ZNF277: variants seen among roughly 807,000 people sequenced by gnomAD.
ZNF277 encodes the protein nuclear receptor-interacting factor 4.
Under a neutral mutation model 60.7 loss-of-function variants are expected in ZNF277, and 55 were observed. That is an observed-to-expected ratio of 0.91 (90% confidence interval 0.73 to 1.13). ZNF277 has a LOEUF of 1.13. ZNF277 is among the 50% of genes most tolerant of loss of function. ZNF277 has a pLI of 0.00. For synonymous variants in ZNF277, 178 were observed against 179.3 expected (o/e 0.99, Z 0.06); for missense variants, 510 against 523.0 (o/e 0.98, Z 0.24).
At chr7:112,206,859 C>G (rs1196895549) in intron 1 of ZNF277, 52 bp downstream of exon 1, 5 of 1,573,766 alleles carry the variant, frequency 3.2e-6, no homozygotes, top group Non-Finnish European at 4.4e-6. Context: ...TTCTCTATGA[C>G]CGGGTGTGCA....
At chr7:112,312,388 T>G (rs13437855) in intron 4 of ZNF277, among the ~76,000 whole-genome samples, 8,981 of 152,046 alleles carry the variant, frequency 0.059, 717 homozygotes, top group African/African-American at 0.18. Context: ...GGTAATTGAA[T>G]AAATCTAAGT....
chr7:112,310,468 A>AGAGAGAGAGT, intron 4 of ZNF277, among the ~76,000 whole-genome samples: 1 of 146,332 alleles, frequency 6.8e-6, no homozygotes, highest in African/African-American at 2.7e-5. Flanking sequence ...AGAGAGAGAG[A>AGAGAGAGAGT]GAGAGAGAGA....
At chr7:112,281,583 G>A (rs1791945559) in intron 1 of ZNF277, among the ~76,000 whole-genome samples, 1 of 152,142 alleles carries the variant, frequency 6.6e-6, no homozygotes, top group African/African-American at 2.4e-5. Flanking sequence ...TAGTGGGCCT[G>A]TTACGCCAAG....
At chr7:112,235,447 C>T (rs1822463716) in intron 1 of ZNF277, among the ~76,000 whole-genome samples, 1 of 152,040 alleles carries the variant, frequency 6.6e-6, no homozygotes, top group African/African-American at 2.4e-5. Flanking sequence ...TTTACTATAG[C>T]CACCCAAGTG....
At chr7:112,333,152 T>TTAA (rs565979289) in intron 7 of ZNF277, among the ~76,000 whole-genome samples, 2 of 145,618 alleles carry the variant, frequency 1.4e-5, no homozygotes, top group African/African-American at 5.0e-5. Context: ...ATACTTTATT[T>TTAA]AAAAAAAAAA....
chr7:112,226,107 C>T (rs1255987041), intron 1 of ZNF277, among the ~76,000 whole-genome samples: 1 of 152,132 alleles, frequency 6.6e-6, no homozygotes, highest in Non-Finnish European at 1.5e-5. Flanking sequence ...TTGGGAAATG[C>T]TAATCAGAGT....
At chr7:112,218,037 C>T (rs181406693) in intron 1 of ZNF277, among the ~76,000 whole-genome samples, 6 of 152,256 alleles carry the variant, frequency 3.9e-5, no homozygotes, top group Admixed American at 3.3e-4. Context: ...TTAAAAATTC[C>T]GATCCCCAAA....
intron 1 of ZNF277, among the ~76,000 whole-genome samples, chr7:112,245,608 G>C (rs1163532835): frequency 6.6e-6 from 1 of 152,160 alleles, no homozygotes; most frequent in African/African-American, 2.4e-5. Context: ...GGGAGAATAA[G>C]TTCAATACCC....
In ZNF277 at chr7:112,286,876, G is replaced by A. The variant is rs1243315778; in HGVS notation, c.95G>A (p.Ser32Asn). ...TTTTTTTTTTGGTCTATTCCAGACA[G>A]TAAGGATTGTATCCTGGAGCCGCTT... ...STVGGVGYGD[S>N]KDCILEPLSL... Residue 32 changes from serine (S) to asparagine (N), a missense_variant, in exon 2 of 12, where the codon AGT becomes AAT. Physicochemically the swap from Ser to Asn is conservative, Grantham distance 46. Coordinates refer to ENST00000361822, the MANE Select transcript of ZNF277 (RefSeq NM_021994.3). The A allele has an allele frequency of 9.3e-7, 1 of 1,071,228 alleles. No homozygotes were observed. The highest frequency in any genetic ancestry group is 2.2e-5 in the Admixed American group (1 of 44,750). The allele number at this position is 1,071,228 out of a possible 1,614,324, so 66.4% of individuals were successfully genotyped here.
chr7:112,226,715 G>T (rs920153825), intron 1 of ZNF277, among the ~76,000 whole-genome samples: 4 of 152,136 alleles, frequency 2.6e-5, no homozygotes, highest in Non-Finnish European at 5.9e-5. Context: ...CAAGAATGTA[G>T]GTTAGTTGGA....
intron 2 of ZNF277, among the ~76,000 whole-genome samples, chr7:112,293,806 GT>G (rs1792264486): frequency 6.6e-6 from 1 of 152,100 alleles, no homozygotes; most frequent in Non-Finnish European, 1.5e-5. Flanking sequence ...ACTAGTCTCC[GT>G]TTTGTCTAGA....
At chr7:112,219,265 T>C (rs1226737028) in intron 1 of ZNF277, among the ~76,000 whole-genome samples, 1 of 152,232 alleles carries the variant, frequency 6.6e-6, no homozygotes. Flanking sequence ...GCCTGTGCTT[T>C]TGGGGTCGTG....
chr7:112,227,598 A>G (rs1822209111), intron 1 of ZNF277, among the ~76,000 whole-genome samples: 1 of 152,176 alleles, frequency 6.6e-6, no homozygotes, highest in Non-Finnish European at 1.5e-5. Flanking sequence ...TAGGGAGAAA[A>G]CTTTTGGCCA....
intron 1 of ZNF277, among the ~76,000 whole-genome samples, chr7:112,209,567 T>G (rs1381449960): frequency 6.6e-6 from 1 of 152,184 alleles, no homozygotes; most frequent in African/African-American, 2.4e-5. Flanking sequence ...ATACCCAGTA[T>G]TCTCATTGAC....
At chr7:112,296,928 T>A (rs2396529) in intron 4 of ZNF277, among the ~76,000 whole-genome samples, 1,503 of 60,326 alleles carry the variant, frequency 0.025, 43 homozygotes, top group African/African-American at 0.1. Context: ...TTTTTTTTTT[T>A]TTTTTTTTTT....
chr7:112,227,341 C>T (rs1238334172), intron 1 of ZNF277, among the ~76,000 whole-genome samples: 1 of 152,116 alleles, frequency 6.6e-6, no homozygotes, highest in African/African-American at 2.4e-5. Context: ...TAGCAAAGAA[C>T]AATTTGTGAA....
intron 2 of ZNF277, among the ~76,000 whole-genome samples, chr7:112,293,422 T>A (rs1792252311): frequency 1.3e-5 from 2 of 151,098 alleles, no homozygotes; most frequent in Admixed American, 1.3e-4. Context: ...ACAAAAAAAA[T>A]AGGAAAATTA....
At position 112,337,735 on chromosome 7, in the gene ZNF277, G is replaced by C. The variant is rs760372336; in HGVS notation, c.875G>C (p.Trp292Ser). The C allele has an allele frequency of 1.8e-5, 29 of 1,611,194 alleles. No individual in the cohort carries two copies. In the Middle Eastern group the frequency reaches 1.8e-3, roughly 101 times the overall value. Residue 292 changes from tryptophan (W) to serine (S), a missense_variant, in exon 9 of 12, where the codon TGG becomes TCG. By Grantham distance (177) the Trp-to-Ser change is radical. Transcript: ENST00000361822. ...TCTCCTCTTTTTTAATTCAGTGACT[G>C]GTCTGATTGGGAAGAACACCCTGCC... ...RELLDHQEDD[W>S]SDWEEHPASA...
intron 1 of ZNF277, among the ~76,000 whole-genome samples, chr7:112,279,964 G>A (rs1791904106): frequency 6.6e-6 from 1 of 152,030 alleles, no homozygotes; most frequent in South Asian, 2.1e-4. Flanking sequence ...CAGGAGAGAT[G>A]GGCACACTAG....
Sources: allele counts gnomAD v4.1 joint callset (sites outside exome capture counted in the v4.1 genomes callset), GRCh38; gene constraint gnomAD v4.1.1; transcripts MANE v1.5; gene names NCBI Gene and HGNC (gene_info 2026-07-23, HGNC 2026-07-21).